The following KRABD2 variants were observed in gnomAD, a reference collection of about 807,000 sequenced individuals.
KRABD2 encodes KRAB domain containing 2, also known as KRAB domain-containing protein 2.
the KRABD2 span, among the ~76,000 whole-genome samples, chr17:8,373,016 T>G: frequency 6.6e-6 from 1 of 152,262 alleles, no homozygotes; most frequent in Non-Finnish European, 1.5e-5. Flanking sequence ...CATGAAATTC[T>G]ACAGTAGAGT....
chr17:8,375,521 T>C, the KRABD2 span, among the ~76,000 whole-genome samples: 1 of 141,140 alleles, frequency 7.1e-6, no homozygotes, highest in African/African-American at 2.7e-5. Context: ...AAGCTTTCAA[T>C]ATCTTTTTTC....
the KRABD2 span, among the ~76,000 whole-genome samples, chr17:8,363,857 A>G: frequency 1.6e-5 from 1 of 63,944 alleles, no homozygotes; most frequent in East Asian, 2.9e-4. Flanking sequence ...ATATATATAT[A>G]TATATTTATT....
the KRABD2 span, chr17:8,376,249 C>T: frequency 3.3e-6 from 4 of 1,229,696 alleles, no homozygotes; most frequent in Non-Finnish European, 4.1e-6. Flanking sequence ...GGTAGAGCAG[C>T]GGTACGGCCG....
the KRABD2 span, chr17:8,365,734 AG>A: frequency 6.6e-6 from 1 of 152,278 alleles, no homozygotes; most frequent in Non-Finnish European, 1.5e-5. Context: ...AGGCAGCACC[AG>A]GGGTGTTACT....
chr17:8,374,682 C>G, the KRABD2 span, among the ~76,000 whole-genome samples: 1 of 147,184 alleles, frequency 6.8e-6, no homozygotes, highest in Admixed American at 6.8e-5. Context: ...CGTGGGGGCT[C>G]ACACCTGTAA....
At chr17:8,375,988 T>C in the KRABD2 span, 1 of 1,231,536 alleles carries the variant, frequency 8.1e-7, no homozygotes, top group Non-Finnish European at 1.0e-6. Context: ...GCCTCCTTCC[T>C]GACGTATTCA....
chr17:8,364,858 A>T, the KRABD2 span, among the ~76,000 whole-genome samples: 3 of 151,840 alleles, frequency 2.0e-5, no homozygotes, highest in Non-Finnish European at 4.4e-5. The surrounding 1 kb of genome is among the most constrained non-coding windows in gnomAD (Gnocchi z 4.4). Context: ...AAATGACAAA[A>T]CCCCGTCTCT....
the KRABD2 span, chr17:8,369,828 G>A: frequency 6.2e-7 from 1 of 1,614,236 alleles, no homozygotes; most frequent in Non-Finnish European, 8.5e-7. Flanking sequence ...AACTTGGCAT[G>A]TGGAGTCTAT....
chr17:8,372,231 TTC>T, the KRABD2 span: 1 of 180,240 alleles, frequency 5.5e-6, no homozygotes, highest in Non-Finnish European at 1.1e-5. The surrounding 1 kb of genome is among the most constrained non-coding windows in gnomAD (Gnocchi z 4.1). Flanking sequence ...ATATTCCTGA[TTC>T]TAAGACATTA....
At chr17:8,369,496 T>C in the KRABD2 span, 2 of 1,613,916 alleles carry the variant, frequency 1.2e-6, no homozygotes, top group South Asian at 2.2e-5. Context: ...ATCCAGGTAC[T>C]TATCATGTTC....
the KRABD2 span, chr17:8,370,372 G>C: frequency 1.1e-5 from 17 of 1,561,138 alleles, no homozygotes; most frequent in South Asian, 1.6e-4. Flanking sequence ...ATCATGGAGA[G>C]CTGTAAGAAG....
the KRABD2 span, among the ~76,000 whole-genome samples, chr17:8,365,316 G>A: frequency 1.3e-5 from 2 of 152,092 alleles, no homozygotes; most frequent in Non-Finnish European, 2.9e-5. Context: ...TGTGGTTCCC[G>A]GTATGCCAAG....
At chr17:8,365,386 G>C in the KRABD2 span, among the ~76,000 whole-genome samples, 10 of 152,154 alleles carry the variant, frequency 6.6e-5, no homozygotes. Context: ...AGTCAAAGTT[G>C]GACCTCCCAG....
At chr17:8,369,176 T>C in the KRABD2 span, 1 of 1,614,092 alleles carries the variant, frequency 6.2e-7, no homozygotes, top group South Asian at 1.1e-5. Context: ...AGGTGCTGGG[T>C]TCTGAAGCTT....
the KRABD2 span, among the ~76,000 whole-genome samples, chr17:8,370,617 TTTTAGAC>T: frequency 3.3e-5 from 5 of 152,056 alleles, no homozygotes; most frequent in African/African-American, 2.4e-5. Context: ...TATGTAGAGG[TTTTAGAC>T]TTTAGGCAAA....
At chr17:8,376,292 T>C in the KRABD2 span, 1 of 1,227,396 alleles carries the variant, frequency 8.1e-7, no homozygotes. Context: ...TGCTGACTCT[T>C]ATCATTTACT....
At chr17:8,368,199 C>G in the KRABD2 span, among the ~76,000 whole-genome samples, 1 of 152,042 alleles carries the variant, frequency 6.6e-6, no homozygotes, top group Non-Finnish European at 1.5e-5. Context: ...GTAAGGATCT[C>G]GAGATGAGAT....
At chr17:8,370,003 T>C in the KRABD2 span, 22 of 1,614,214 alleles carry the variant, frequency 1.4e-5, no homozygotes, top group Non-Finnish European at 1.9e-5. Flanking sequence ...CCATGTCCAA[T>C]ACTGAGATGT....
chr17:8,369,447 C>T, the KRABD2 span: 22 of 1,614,122 alleles, frequency 1.4e-5, no homozygotes, highest in Admixed American at 5.0e-5. Flanking sequence ...CTGCATGAAT[C>T]GGAGGCCTTT....
Sources: gnomAD v4.1 joint callset for allele counts (sites outside exome capture counted in the v4.1 genomes callset) on GRCh38, gnomAD v4.1.1 for gene constraint, Gnocchi (gnomAD v3.1) non-coding constraint, MANE v1.5 for transcripts, NCBI Gene and HGNC (gene_info 2026-07-23, HGNC 2026-07-21) for gene names.